The following RFX3 variants were observed in gnomAD, a reference collection of about 807,000 sequenced individuals.
RFX3 encodes the protein transcription factor RFX3.
In RFX3, 14 loss-of-function variants were observed where a neutral mutation model predicts 98.6. That is an observed-to-expected ratio of 0.14 (90% CI 0.09 to 0.22). The LOEUF (loss-of-function observed/expected upper bound fraction) is 0.22, where lower values mean the gene tolerates loss of function less well. Ranked by LOEUF, RFX3 falls within the 10% of genes least tolerant of loss-of-function variation. The probability of loss-of-function intolerance (pLI) is 1.00; values close to 1 mark genes in which losing one functional copy is unlikely to be tolerated. For missense variants in RFX3, 639 were observed against 926.9 expected (o/e 0.69, Z 4.03); for synonymous variants, 383 against 328.4 (o/e 1.17, Z -1.80).
At chr9:3,414,672 GTA>G (rs1351174399) in intron 1 of RFX3, among the ~76,000 whole-genome samples, 1 of 110,356 alleles carries the variant, frequency 9.1e-6, no homozygotes, top group Admixed American at 9.1e-5. Context: ...GAGTATATAT[GTA>G]TATATGAGTA....
At chr9:3,396,044 C>CT (rs869233621) in intron 1 of RFX3, among the ~76,000 whole-genome samples, 51 of 143,912 alleles carry the variant, frequency 3.5e-4, no homozygotes, top group Admixed American at 1.1e-3. Context: ...TAAATCATTT[C>CT]TTTTTTTTTT....
intron 14 of RFX3, among the ~76,000 whole-genome samples, chr9:3,252,224 T>C (rs982459769): frequency 6.6e-6 from 1 of 152,242 alleles, no homozygotes; most frequent in Non-Finnish European, 1.5e-5. Context: ...AATTCACATT[T>C]ATTTAGCAGA....
chr9:3,320,093 T>C (rs1005779584), intron 4 of RFX3, among the ~76,000 whole-genome samples: 2 of 152,224 alleles, frequency 1.3e-5, no homozygotes, highest in East Asian at 1.9e-4. Context: ...CATAAAGGAT[T>C]TGCTTTATCT....
intron 15 of RFX3, among the ~76,000 whole-genome samples, chr9:3,235,013 G>C (rs912312428): frequency 1.3e-5 from 2 of 152,148 alleles, no homozygotes; most frequent in African/African-American, 2.4e-5. Context: ...ACTTTCGCTG[G>C]GTACTTGCAT....
At chr9:3,462,950 G>C (rs558487463) in intron 1 of RFX3, among the ~76,000 whole-genome samples, 1 of 151,932 alleles carries the variant, frequency 6.6e-6, no homozygotes, top group Non-Finnish European at 1.5e-5. Context: ...TCATGTTCGT[G>C]GATCATAACA....
intron 4 of RFX3, among the ~76,000 whole-genome samples, chr9:3,321,406 G>A (rs745887942): frequency 3.3e-5 from 5 of 152,158 alleles, no homozygotes; most frequent in Admixed American, 6.6e-5. Flanking sequence ...AATCATGATT[G>A]AGAGTACCTA....
chr9:3,260,346 A>T (rs910450449), intron 13 of RFX3, among the ~76,000 whole-genome samples: 1 of 152,028 alleles, frequency 6.6e-6, no homozygotes, highest in Non-Finnish European at 1.5e-5. Context: ...TACAGTAGAC[A>T]TATCACTGAT....
Position 3,282,339 on chromosome 9 carries a change from GGTATTCC to G in RFX3, c.852-4885_852-4879del, listed in dbSNP as rs1451929647. 2.6e-5 allele frequency among the ~76,000 whole-genome samples: 4 copies of G among 151,692 alleles called. No individual in the cohort carries two copies. In the East Asian group the frequency reaches 7.7e-4, roughly 29 times the overall value. On this transcript the variant is annotated intron_variant, in intron 7 of 16. Transcript: ENST00000617270. ...ACATCAACCATGCTGGTTAATGATAGGTATTCCATCTCTTCCATTCTTGTTGGTGGCT... is the reference window on the plus strand; with the variant it reads ...ACATCAACCATGCTGGTTAATGATAGATCTCTTCCATTCTTGTTGGTGGCT...
At chr9:3,339,601 T>C (rs1833629726) in intron 3 of RFX3, among the ~76,000 whole-genome samples, 1 of 152,124 alleles carries the variant, frequency 6.6e-6, no homozygotes, top group Non-Finnish European at 1.5e-5. Flanking sequence ...ATTCAACAAA[T>C]ATAGATTGAG....
intron 1 of RFX3, among the ~76,000 whole-genome samples, chr9:3,435,097 G>C (rs1845002968): frequency 6.6e-6 from 1 of 151,804 alleles, no homozygotes; most frequent in South Asian, 2.1e-4. Context: ...TATAGGACTA[G>C]AAGTCAGGTC....
At chr9:3,331,478 G>A (rs373944096) in intron 3 of RFX3, among the ~76,000 whole-genome samples, 1 of 152,172 alleles carries the variant, frequency 6.6e-6, no homozygotes, top group Admixed American at 6.5e-5. Context: ...ATACAAAATT[G>A]AAATTCCCAG....
chr9:3,367,029 G>T (rs1447958050), intron 2 of RFX3, among the ~76,000 whole-genome samples: 2 of 151,790 alleles, frequency 1.3e-5, no homozygotes, highest in African/African-American at 4.8e-5. Flanking sequence ...AAAGTGGTAG[G>T]GTAAGGAGAA....
At chr9:3,508,901 T>C (rs1223860570) in intron 1 of RFX3, among the ~76,000 whole-genome samples, 1 of 151,632 alleles carries the variant, frequency 6.6e-6, no homozygotes, top group Non-Finnish European at 1.5e-5. Context: ...TTTAGCACAA[T>C]ACCGAAACTA....
chr9:3,401,171 T>C (rs984767265), intron 1 of RFX3, among the ~76,000 whole-genome samples: 2 of 152,200 alleles, frequency 1.3e-5, no homozygotes, highest in African/African-American at 4.8e-5. Flanking sequence ...TAATACGTAT[T>C]TTTCCAGAGG....
chr9:3,505,222 T>TTATATATAAATATATATTTATA (rs1306286411), intron 1 of RFX3, among the ~76,000 whole-genome samples: 2 of 55,576 alleles, frequency 3.6e-5, no homozygotes, highest in South Asian at 8.6e-4. Flanking sequence ...GAATATATAT[T>TTATATATAAATATATATTTATA]TATATATGAA....
chr9:3,396,627 C>A (rs112470505), intron 1 of RFX3, among the ~76,000 whole-genome samples: 3,733 of 152,256 alleles, frequency 0.025, 161 homozygotes, highest in African/African-American at 0.086. Context: ...CTGACTTCCA[C>A]AATGGTTGAA....
intron 1 of RFX3, among the ~76,000 whole-genome samples, chr9:3,491,553 C>A (rs1431760997): frequency 6.6e-6 from 1 of 152,130 alleles, no homozygotes; most frequent in Non-Finnish European, 1.5e-5. Context: ...CTACCTTTCC[C>A]TATATACACC....
chr9:3,450,081 T>C (rs1053163396), intron 1 of RFX3, among the ~76,000 whole-genome samples: 16 of 152,314 alleles, frequency 1.1e-4, no homozygotes, highest in Non-Finnish European at 2.1e-4. Context: ...AACTTGTTTA[T>C]TGAAATGGTA....
At chr9:3,402,415 T>G (rs2132043549) in intron 1 of RFX3, among the ~76,000 whole-genome samples, 1 of 152,260 alleles carries the variant, frequency 6.6e-6, no homozygotes, top group Admixed American at 6.5e-5. Context: ...TTCCAATTCC[T>G]ACTTGAACCG....
Sources: gnomAD v4.1 joint callset for allele counts (sites outside exome capture counted in the v4.1 genomes callset) on GRCh38, gnomAD v4.1.1 for gene constraint, MANE v1.5 for transcripts, NCBI Gene and HGNC (gene_info 2026-07-23, HGNC 2026-07-21) for gene names.